GNB1L: variants seen among roughly 807,000 people sequenced by gnomAD.
GNB1L encodes G protein subunit beta 1 like, also known as guanine nucleotide-binding protein subunit beta-like protein 1.
GNB1L carries 20 observed loss-of-function variants against 29.1 expected under a neutral mutation model. That is an observed-to-expected ratio of 0.69 (90% CI 0.48 to 1.00). GNB1L has a LOEUF of 1.00. Ranked by LOEUF, GNB1L falls within the 50% of genes least tolerant of loss-of-function variation. The pLI, the probability that GNB1L is intolerant of heterozygous loss-of-function variation, is 0.00. For synonymous variants in GNB1L, 193 were observed against 206.5 expected (o/e 0.93, Z 0.56); for missense variants, 421 against 464.9 (o/e 0.91, Z 0.87).
chr22:19,829,250 T>C (rs1229776366), intron 2 of GNB1L, among the ~76,000 whole-genome samples: 2 of 152,226 alleles, frequency 1.3e-5, no homozygotes, highest in Non-Finnish European at 2.9e-5. Flanking sequence ...CTTTACACTC[T>C]CATAACAGAG....
intron 2 of GNB1L, among the ~76,000 whole-genome samples, chr22:19,821,903 C>T (rs919150561): frequency 9.8e-5 from 15 of 152,332 alleles, no homozygotes; most frequent in African/African-American, 3.4e-4. Flanking sequence ...GAGTCCCGCC[C>T]TCTGTCCAGG....
intron 4 of GNB1L, among the ~76,000 whole-genome samples, chr22:19,815,310 G>A (rs997299727): frequency 1.3e-5 from 2 of 152,212 alleles, no homozygotes; most frequent in Non-Finnish European, 2.9e-5. Flanking sequence ...ACTCGGTCCC[G>A]TCCAAATCTC....
intron 7 of GNB1L, among the ~76,000 whole-genome samples, chr22:19,800,848 G>A (rs540821908): frequency 7.6e-4 from 115 of 152,316 alleles, no homozygotes; most frequent in Middle Eastern, 6.8e-3. Flanking sequence ...ATGTCCTTCC[G>A]CAGCTCCACC....
intron 4 of GNB1L, among the ~76,000 whole-genome samples, chr22:19,814,577 C>T (rs1234604987): frequency 6.6e-6 from 1 of 152,186 alleles, no homozygotes; most frequent in African/African-American, 2.4e-5. Context: ...AGGGTTGTCC[C>T]CGGCAAGCCA....
intron 2 of GNB1L, among the ~76,000 whole-genome samples, chr22:19,826,781 G>A (rs779319562): frequency 6.6e-6 from 1 of 152,118 alleles, no homozygotes; most frequent in Non-Finnish European, 1.5e-5. Context: ...AACTGGCATT[G>A]CTTATCTCCT....
rs1306865074 is a variant in GNB1L at position 19,854,462 on chromosome 22, C to T, written c.-40G>A. On this transcript the variant is annotated 5_prime_UTR_variant, in exon 2 of 8. Transcript: ENST00000329517. ...ACCCACCTGAGGCTACGCGAATCGC[C>T]CGCGAAGAGGGTCCTGGGATCCGTA... 1 of 152,696 alleles carries T rather than the reference C, an allele frequency of 6.5e-6. No individual in the cohort carries two copies. The highest frequency in any genetic ancestry group is 1.5e-5 in the Non-Finnish European group (1 of 68,064). The allele number at this position is 152,696 out of a possible 1,614,324, so 9.5% of individuals were successfully genotyped here.
chr22:19,850,964 G>A, intron 2 of GNB1L: 1 of 1,386,380 alleles, frequency 7.2e-7, no homozygotes, highest in African/African-American at 1.4e-5. Flanking sequence ...CAGGGAAAGG[G>A]CACAGGGCGG....
At position 19,802,065 on chromosome 22, in the gene GNB1L, C is replaced by T. The variant is rs759926151; in HGVS notation, c.668G>A (p.Gly223Asp). 15 of 1,613,022 alleles carry T rather than the reference C, an allele frequency of 9.3e-6. No homozygotes were observed. Among genetic ancestry groups the T allele is most frequent in the Non-Finnish European group, 1.3e-5 (15 of 1,179,828 alleles). Residue 223 changes from glycine (G) to aspartate (D), a missense_variant, in exon 7 of 8, where the codon GGC becomes GAC. Coordinates refer to ENST00000329517, the MANE Select transcript of GNB1L (RefSeq NM_053004.3). ...CGCCTTCCCCGCGGAGCCTGAGATG[C>T]CCCTGGCCTTCTGGGAGTCAAAGTC... is the stretch of plus-strand genomic sequence containing the variant. ...DLDFDSQKAR[G>D]ISGSAGKALA... is the part of the protein sequence containing the mutation.
At chr22:19,845,714 G>A (rs1354638007) in intron 2 of GNB1L, among the ~76,000 whole-genome samples, 1 of 152,186 alleles carries the variant, frequency 6.6e-6, no homozygotes, top group Admixed American at 6.5e-5. Flanking sequence ...AGGGAGCAAC[G>A]GGCCCTGCTG....
In GNB1L at chr22:19,788,735, G is replaced by GGCTGATCC; in HGVS notation, c.950_957dup (p.Leu320GlyfsTer36). The GGCTGATCC allele has an allele frequency of 1.2e-6, 2 of 1,611,378 alleles. No homozygotes were observed. The highest frequency in any genetic ancestry group is 1.7e-6 in the Non-Finnish European group (2 of 1,178,850). On this transcript the variant is annotated frameshift_variant, in exon 8 of 8. Coordinates refer to ENST00000329517, the MANE Select transcript of GNB1L (RefSeq NM_053004.3). LOFTEE classifies it high-confidence loss of function. Reference sequence around the variant, plus strand: ...CATGCGCGTGGGTAGAGTGACCAGAGGCTGATCCGCTGATCCTTGGAGCCC... The same window carrying GGCTGATCC: ...CATGCGCGTGGGTAGAGTGACCAGAGGCTGATCCGCTGATCCGCTGATCCTTGGAGCCC...
chr22:19,852,372 G>A, intron 2 of GNB1L: 2 of 1,204,424 alleles, frequency 1.7e-6, no homozygotes, highest in Non-Finnish European at 2.4e-6. Flanking sequence ...ACAGGGCGTG[G>A]CAGACCCGCA....
Position 19,821,383 on chromosome 22 carries a change from C to A in GNB1L, c.-20-8G>T. On this transcript the variant is annotated splice_polypyrimidine_tract_variant and splice_region_variant and intron_variant, in intron 2 of 7. Transcript: ENST00000329517. ...TGGGCAGGATGCAGTTACCTGGGCA[C>A]CAAGGGAGGGCGTGTGAGTGACTGC... The A allele has an allele frequency of 6.2e-7, 1 of 1,609,126 alleles. No individual in the cohort carries two copies. Among genetic ancestry groups the A allele is most frequent in the Non-Finnish European group, 8.5e-7 (1 of 1,178,932 alleles).
At position 19,851,686 on chromosome 22, in the gene GNB1L, A is replaced by T; in HGVS notation, c.-21+2757T>A. 4 of 1,598,030 alleles carry T rather than the reference A, an allele frequency of 2.5e-6. No individual in the cohort carries two copies. The South Asian group carries it at 4.5e-5, about 18-fold the overall frequency. On this transcript the variant is annotated intron_variant, in intron 2 of 7. Coordinates refer to ENST00000329517, the MANE Select transcript of GNB1L (RefSeq NM_053004.3). ...TGGAGGCCAGGGGCAGGGGACAGGT[A>T]ACCACAGCATGGTACTCAGCAAAAC...
At chr22:19,792,539 G>A in intron 7 of GNB1L, 1 of 1,549,176 alleles carries the variant, frequency 6.5e-7, no homozygotes, top group Non-Finnish European at 8.8e-7. Flanking sequence ...CAATTAACCA[G>A]TTCACCTAGG....
At chr22:19,841,505 C>G (rs774018232) in intron 2 of GNB1L, among the ~76,000 whole-genome samples, 5 of 152,076 alleles carry the variant, frequency 3.3e-5, no homozygotes, top group African/African-American at 4.8e-5. Flanking sequence ...TATGGTGGTG[C>G]CCGCCATGAT....
At chr22:19,796,129 G>C (rs1937303705) in intron 7 of GNB1L, among the ~76,000 whole-genome samples, 2 of 152,206 alleles carry the variant, frequency 1.3e-5, no homozygotes. Context: ...ATTAATAGTT[G>C]GAAAAATAGG....
At chr22:19,852,287 G>A (rs776295398) in intron 2 of GNB1L, 5 of 1,580,068 alleles carry the variant, frequency 3.2e-6, no homozygotes, top group Middle Eastern at 1.7e-4. Context: ...GAGAAGAGAG[G>A]AGAGCCAGCA....
intron 7 of GNB1L, among the ~76,000 whole-genome samples, chr22:19,799,836 C>T (rs2145865915): frequency 6.6e-6 from 1 of 152,326 alleles, no homozygotes; most frequent in East Asian, 1.9e-4. Context: ...TTCCCTGAGG[C>T]TGGGGCTTTA....
chr22:19,851,776 C>G, intron 2 of GNB1L: 2 of 1,613,446 alleles, frequency 1.2e-6, no homozygotes, highest in African/African-American at 1.3e-5. Flanking sequence ...CAGGCAGGGG[C>G]AGGTCCCCAT....
Sources: allele counts gnomAD v4.1 joint callset (sites outside exome capture counted in the v4.1 genomes callset), GRCh38; gene constraint gnomAD v4.1.1; transcripts MANE v1.5; gene names NCBI Gene and HGNC (gene_info 2026-07-23, HGNC 2026-07-21).